Variants in SEMA3A observed in about 807,000 individuals in gnomAD.
SEMA3A encodes the protein semaphorin 3A.
In SEMA3A, 29 loss-of-function variants were observed where a neutral mutation model predicts 97.9. The observed-to-expected ratio is 0.30, with a 90% CI of 0.22 to 0.40. SEMA3A has a LOEUF of 0.40. Among genes scored for constraint, SEMA3A ranks in the 10% least tolerant of loss-of-function variants. The pLI, the probability that SEMA3A is intolerant of heterozygous loss-of-function variation, is 1.00. For synonymous variants in SEMA3A, 321 were observed against 323.7 expected (o/e 0.99, Z 0.09); for missense variants, 763 against 951.3 (o/e 0.80, Z 2.60).
At chr7:84,389,377 G>A (rs1271212346) in intron 1 of SEMA3A, among the ~76,000 whole-genome samples, 2 of 152,060 alleles carry the variant, frequency 1.3e-5, no homozygotes, top group East Asian at 3.9e-4. Context: ...TGAGTCTGAA[G>A]TATGTAATGA....
chr7:84,368,910 A>G (rs962272876), intron 2 of SEMA3A, among the ~76,000 whole-genome samples: 1 of 151,034 alleles, frequency 6.6e-6, no homozygotes, highest in African/African-American at 2.4e-5. Flanking sequence ...ACATTTGTGT[A>G]TGCATAAGTC....
intron 15 of SEMA3A, among the ~76,000 whole-genome samples, chr7:83,975,612 A>G (rs1407742036): frequency 1.3e-5 from 2 of 152,162 alleles, no homozygotes; most frequent in Non-Finnish European, 2.9e-5. Context: ...ATAATGTTGT[A>G]TTGATATAAA....
At position 83,961,622 on chromosome 7, in the gene SEMA3A, T is replaced by C. The variant is rs775434319; in HGVS notation, c.2065A>G (p.Lys689Glu). The change falls in exon 17 of 17, where the codon AAA (lysine) becomes GAA (glutamate). Residue 689 changes from lysine to glutamate, a missense_variant. By Grantham distance (56) the Lys-to-Glu change is moderately conservative. Transcript: ENST00000265362. The stretch of plus-strand genomic sequence containing the variant: ...GGTGTCATGCTATTGGACATTTCTT[T>C]GGTCTTAGAGCCATCTCCATCATCA... ...KDDDGDGSKT[K>E]EMSNSMTPSQ... is the part of the protein sequence containing the mutation. 26 of 1,613,988 alleles carry C rather than the reference T, an allele frequency of 1.6e-5. No homozygotes were observed. In the East Asian group the frequency reaches 4.9e-4, roughly 30 times the overall value.
chr7:84,310,881 A>G (rs1027247732), intron 2 of SEMA3A, among the ~76,000 whole-genome samples: 4 of 151,798 alleles, frequency 2.6e-5, no homozygotes, highest in African/African-American at 9.7e-5. Flanking sequence ...CTCTCATGAG[A>G]GGGTGGGAAG....
intron 1 of SEMA3A, among the ~76,000 whole-genome samples, chr7:84,373,294 T>G (rs1803016873): frequency 6.6e-6 from 1 of 152,192 alleles, no homozygotes. Flanking sequence ...ACATGTTGAA[T>G]AGAATCATTT....
At chr7:84,354,250 G>T (rs1402758234) in intron 2 of SEMA3A, among the ~76,000 whole-genome samples, 2 of 151,522 alleles carry the variant, frequency 1.3e-5, no homozygotes, top group African/African-American at 4.8e-5. Context: ...ACACAGTTAA[G>T]ATAAGTCAGA....
chr7:83,976,096 CCAAA>C (rs1443553990), intron 15 of SEMA3A, among the ~76,000 whole-genome samples: 1 of 152,106 alleles, frequency 6.6e-6, no homozygotes, highest in Non-Finnish European at 1.5e-5. Flanking sequence ...GTAGGATTCC[CCAAA>C]CAATCCCGTG....
chr7:84,375,852 A>G (rs1803083735), intron 1 of SEMA3A, among the ~76,000 whole-genome samples: 1 of 152,080 alleles, frequency 6.6e-6, no homozygotes. Context: ...AATCTGCTCT[A>G]CACTTCCCAG....
chr7:84,020,208 C>A (rs73376838), intron 6 of SEMA3A, among the ~76,000 whole-genome samples: 38,556 of 151,140 alleles, frequency 0.26, 5,760 homozygotes, highest in East Asian at 0.43. Flanking sequence ...CCACACCTAG[C>A]TGATTGTTGT....
At chr7:84,262,232 G>A (rs139056194) in intron 3 of SEMA3A, among the ~76,000 whole-genome samples, 4,968 of 151,712 alleles carry the variant, frequency 0.033, 95 homozygotes, top group South Asian at 0.046. Flanking sequence ...TTTTGTTTTT[G>A]AGACAGAGTT....
At chr7:84,164,296 T>C (rs997186931) in intron 1 of SEMA3A, among the ~76,000 whole-genome samples, 1 of 152,224 alleles carries the variant, frequency 6.6e-6, no homozygotes, top group African/African-American at 2.4e-5. Flanking sequence ...AAATTGTTAC[T>C]AAAATAGAAA....
At chr7:84,369,451 A>T (rs1802924177) in intron 2 of SEMA3A, among the ~76,000 whole-genome samples, 1 of 151,214 alleles carries the variant, frequency 6.6e-6, no homozygotes. Context: ...TCATAAATAG[A>T]AACTGAAATG....
In SEMA3A at chr7:83,965,970, C is replaced by T. The variant is rs551660184; in HGVS notation, c.1718-2623G>A. On this transcript the variant is annotated intron_variant, in intron 15 of 16. Transcript: ENST00000265362. ...CTGGGATTACAGGTGTGAGCCACCG[C>T]GCCCAGCCACCAATGGGTGCATTAA... 1.7e-4 allele frequency among the ~76,000 whole-genome samples: 26 copies of T among 151,446 alleles called. No homozygotes were observed. In the South Asian group the frequency reaches 2.5e-3, roughly 15 times the overall value.
At chr7:83,998,449 A>C (rs1790304658) in intron 12 of SEMA3A, among the ~76,000 whole-genome samples, 1 of 152,150 alleles carries the variant, frequency 6.6e-6, no homozygotes, top group Non-Finnish European at 1.5e-5. Flanking sequence ...TCATGAATGG[A>C]GCTTGCAGGA....
intron 4 of SEMA3A, among the ~76,000 whole-genome samples, chr7:84,069,266 G>A (rs1793655458): frequency 6.6e-6 from 1 of 152,164 alleles, no homozygotes; most frequent in Non-Finnish European, 1.5e-5. Context: ...CTGTGCCTCA[G>A]GCAAGTTCCT....
chr7:83,974,473 T>C, intron 15 of SEMA3A, among the ~76,000 whole-genome samples: 1 of 152,196 alleles, frequency 6.6e-6, no homozygotes, highest in East Asian at 1.9e-4. Context: ...AGTGTGTAAT[T>C]TGGCTTCATG....
chr7:84,297,782 C>T (rs1188045477), intron 3 of SEMA3A, among the ~76,000 whole-genome samples: 1 of 152,268 alleles, frequency 6.6e-6, no homozygotes, highest in Admixed American at 6.5e-5. Context: ...CACTCCTAGA[C>T]ATAAATTGTT....
At chr7:84,219,529 A>T (rs1798826313) in intron 3 of SEMA3A, among the ~76,000 whole-genome samples, 1 of 152,218 alleles carries the variant, frequency 6.6e-6, no homozygotes, top group African/African-American at 2.4e-5. Flanking sequence ...ATATCACAAT[A>T]AAGTGAGTCA....
intron 4 of SEMA3A, among the ~76,000 whole-genome samples, chr7:84,109,132 G>C (rs1316991931): frequency 3.3e-5 from 5 of 152,112 alleles, no homozygotes; most frequent in Non-Finnish European, 7.4e-5. Context: ...AATTGGTTGA[G>C]AAGACAGCAA....
Sources: gnomAD v4.1 joint callset for allele counts (sites outside exome capture counted in the v4.1 genomes callset) on GRCh38, gnomAD v4.1.1 for gene constraint, MANE v1.5 for transcripts, NCBI Gene and HGNC (gene_info 2026-07-23, HGNC 2026-07-21) for gene names.